The following NME7 variants were observed in gnomAD, a reference collection of about 807,000 sequenced individuals.
NME7 encodes nucleoside diphosphate kinase 7.
A neutral mutation model predicts 49.1 loss-of-function variants in NME7; 41 were observed. That is an observed-to-expected ratio of 0.83 (90% confidence interval 0.65 to 1.08). The LOEUF is 1.08. Ranked by LOEUF, NME7 falls within the 50% of genes least tolerant of loss-of-function variation. NME7 has a pLI of 0.00. For synonymous variants in NME7, 139 were observed against 150.6 expected (o/e 0.92, Z 0.56); for missense variants, 423 against 463.4 (o/e 0.91, Z 0.80).
At chr1:169,149,644 T>C (rs2101819821) in intron 11 of NME7, among the ~76,000 whole-genome samples, 1 of 152,358 alleles carries the variant, frequency 6.6e-6, no homozygotes, top group South Asian at 2.1e-4. Flanking sequence ...TATGCTGTAA[T>C]TACAGTTATG....
At chr1:169,161,962 G>GT (rs149367136) in intron 11 of NME7, among the ~76,000 whole-genome samples, 6 of 151,638 alleles carry the variant, frequency 4.0e-5, no homozygotes, top group Non-Finnish European at 7.4e-5. Flanking sequence ...CTTTTGAGAT[G>GT]TTTTTTTTAG....
rs547351705 is a variant in NME7, at chr1:169,286,241, A to G, written c.754+1062T>C. ...GAGGAAATGCATCAAAACATTAACA[A>G]TGACTATCTTCAGGTGATGGGAATT... is the stretch of plus-strand genomic sequence containing the variant. On this transcript the variant is annotated intron_variant, in intron 7 of 11. Transcript: ENST00000367811. The G allele has an allele frequency of 3.3e-5, 5 of 152,278 alleles. No homozygotes were observed. The South Asian group carries it at 1.0e-3, about 32-fold the overall frequency. The allele number at this position is 152,278 out of a possible 1,614,324, so 9.4% of individuals were successfully genotyped here.
intron 10 of NME7, among the ~76,000 whole-genome samples, chr1:169,229,001 CTCTT>C (rs1462267179): frequency 3.9e-5 from 6 of 152,312 alleles, no homozygotes; most frequent in Admixed American, 3.9e-4. Flanking sequence ...TCAGGTCTGT[CTCTT>C]TCTATTTCTA....
intron 10 of NME7, 72 bp downstream of exon 10, chr1:169,230,646 G>T: frequency 2.1e-6 from 2 of 969,068 alleles, no homozygotes; most frequent in African/African-American, 1.7e-5. Flanking sequence ...AGGAACAAAC[G>T]AAAAATTTTA....
chr1:169,258,496 G>A (rs371401252), intron 7 of NME7, among the ~76,000 whole-genome samples: 4 of 121,298 alleles, frequency 3.3e-5, no homozygotes, highest in African/African-American at 8.4e-5. Context: ...AAACAGGTAC[G>A]TTGATTTTTA....
chr1:169,207,210 G>A (rs1211809437), intron 10 of NME7, among the ~76,000 whole-genome samples: 4 of 152,040 alleles, frequency 2.6e-5, no homozygotes, highest in South Asian at 2.1e-4. Flanking sequence ...AGAAGGGAAC[G>A]ATGCCAGGCT....
rs191929883 is a variant in NME7 at position 169,227,458 on chromosome 1, T to A, written c.990+3260A>T. Among the ~76,000 whole-genome samples, 1,001 of 152,314 alleles carry A rather than the reference T, an allele frequency of 6.6e-3. 8 individuals are homozygous for A. The highest frequency in any genetic ancestry group is 0.01 in the Non-Finnish European group (689 of 68,026). ...GAGACTAGGCAATTTATGGAGAAAA[T>A]AAATGTATTTCTGCTGGGTGAGAGC... On this transcript the variant is annotated intron_variant, in intron 10 of 11. Coordinates refer to ENST00000367811, the MANE Select transcript of NME7 (RefSeq NM_013330.5).
At chr1:169,201,081 A>G (rs1660535091) in intron 10 of NME7, among the ~76,000 whole-genome samples, 1 of 151,994 alleles carries the variant, frequency 6.6e-6, no homozygotes, top group South Asian at 2.1e-4. Flanking sequence ...AATTTAAAAC[A>G]TGGGCCAGGT....
intron 7 of NME7, among the ~76,000 whole-genome samples, chr1:169,249,738 T>TA (rs985875575): frequency 1.3e-5 from 2 of 152,130 alleles, no homozygotes; most frequent in Admixed American, 6.6e-5. Context: ...CAGATGATCA[T>TA]AGAGTTTTTC....
intron 10 of NME7, among the ~76,000 whole-genome samples, chr1:169,206,040 C>T (rs1217134539): frequency 2.0e-5 from 3 of 152,004 alleles, no homozygotes; most frequent in East Asian, 1.9e-4. Context: ...TTAAATGCAG[C>T]CTTCTCTGTC....
At chr1:169,182,183 A>C (rs1402880418) in intron 10 of NME7, among the ~76,000 whole-genome samples, 1 of 148,646 alleles carries the variant, frequency 6.7e-6, no homozygotes, top group Non-Finnish European at 1.5e-5. Flanking sequence ...TTAAAAAAAA[A>C]AAAAAACAAC....
In NME7 at chr1:169,224,757, G is replaced by A. The variant is rs576686600; in HGVS notation, c.990+5961C>T. On this transcript the variant is annotated intron_variant, in intron 10 of 11. Coordinates refer to ENST00000367811, the MANE Select transcript of NME7 (RefSeq NM_013330.5). ...TTCCACCATCAACTATTTATCAAGT[G>A]TTTTCCACATTCGAGGTACTCTGCT... Among the ~76,000 whole-genome samples, 9 of 152,176 alleles carry A rather than the reference G, an allele frequency of 5.9e-5. No individual in the cohort carries two copies. The South Asian group carries it at 1.9e-3, about 32-fold the overall frequency.
At chr1:169,135,014 C>CAAAA (rs58463903) in intron 11 of NME7, among the ~76,000 whole-genome samples, 1,568 of 50,288 alleles carry the variant, frequency 0.031, 266 homozygotes, top group East Asian at 0.087. Context: ...CCCGTCTCTA[C>CAAAA]AAAAAAAAAA....
chr1:169,240,185 A>G (rs1288875150), intron 7 of NME7, among the ~76,000 whole-genome samples: 1 of 151,984 alleles, frequency 6.6e-6, no homozygotes, highest in East Asian at 1.9e-4. Context: ...TAAATATAAC[A>G]AAAATCCTTT....
intron 1 of NME7, among the ~76,000 whole-genome samples, chr1:169,333,372 T>TA (rs1221320488): frequency 1.3e-5 from 2 of 151,882 alleles, no homozygotes; most frequent in Non-Finnish European, 2.9e-5. Context: ...AAAATAAAAT[T>TA]AAAAAGAATG....
chr1:169,169,660 T>C (rs749118634), intron 10 of NME7, 106 bp from the exon 11 acceptor site: 5 of 984,540 alleles, frequency 5.1e-6, no homozygotes, highest in Non-Finnish European at 6.2e-6. Context: ...ACATGTTATA[T>C]ATAGACAGTG....
intron 10 of NME7, among the ~76,000 whole-genome samples, chr1:169,185,859 GATAA>G (rs1325213834): frequency 6.6e-6 from 1 of 152,072 alleles, no homozygotes; most frequent in Non-Finnish European, 1.5e-5. Context: ...TCCTAGAGTT[GATAA>G]ATACATTAGA....
chr1:169,201,507 T>C (rs185838693), intron 10 of NME7, among the ~76,000 whole-genome samples: 1 of 152,010 alleles, frequency 6.6e-6, no homozygotes, highest in Admixed American at 6.5e-5. Flanking sequence ...GTGATGAAAA[T>C]CTCAATTAAG....
At chr1:169,194,382 T>G (rs576533068) in intron 10 of NME7, among the ~76,000 whole-genome samples, 1 of 152,188 alleles carries the variant, frequency 6.6e-6, no homozygotes, top group African/African-American at 2.4e-5. Flanking sequence ...GAGTCACAGA[T>G]GGTAAAGTTC....
Sources: allele counts gnomAD v4.1 joint callset (sites outside exome capture counted in the v4.1 genomes callset), GRCh38; gene constraint gnomAD v4.1.1; transcripts MANE v1.5; gene names NCBI Gene and HGNC (gene_info 2026-07-23, HGNC 2026-07-21).